The following CPEB3 variants were observed in gnomAD, a reference collection of about 807,000 sequenced individuals.
CPEB3 encodes cytoplasmic polyadenylation element binding protein 3.
CPEB3 carries 20 observed loss-of-function variants against 67.2 expected under a neutral mutation model. That is an observed-to-expected ratio of 0.30 (90% CI 0.21 to 0.43). CPEB3 has a LOEUF of 0.43. CPEB3 is among the 20% of genes least tolerant of loss of function. The pLI is 1.00. For missense variants in CPEB3, 746 were observed against 968.6 expected (o/e 0.77, Z 3.05); for synonymous variants, 376 against 393.1 (o/e 0.96, Z 0.51).
intron 2 of CPEB3, among the ~76,000 whole-genome samples, chr10:92,196,848 C>T (rs1241013537): frequency 2.6e-5 from 4 of 151,472 alleles, no homozygotes; most frequent in Non-Finnish European, 5.9e-5. Context: ...AGGAGAATCA[C>T]TTGAACCTGG....
intron 6 of CPEB3, among the ~76,000 whole-genome samples, chr10:92,112,127 T>C (rs1405905782): frequency 5.4e-5 from 1 of 18,612 alleles, no homozygotes; most frequent in East Asian, 9.5e-4. Flanking sequence ...ACCACGTTCC[T>C]TTTTTTTTTT....
chr10:92,060,287 T>A lies in CPEB3; in HGVS notation c.1870-7848A>T, dbSNP rs1466335538. 2.0e-5 allele frequency among the ~76,000 whole-genome samples: 3 copies of A among 151,680 alleles called. No individual in the cohort carries two copies. The East Asian group carries it at 5.8e-4, about 29-fold the overall frequency. On this transcript the variant is annotated intron_variant, in intron 9 of 9. Transcript: ENST00000265997. ...GGCATGAGAATCCAGGAGGTGGAGG[T>A]TGCAGTGAGCCAAGATCATGCCACC...
chr10:92,168,362 T>C (rs1470199564), intron 4 of CPEB3, among the ~76,000 whole-genome samples: 2 of 152,228 alleles, frequency 1.3e-5, no homozygotes, highest in Admixed American at 1.3e-4. Context: ...CTAGAATACC[T>C]TAATAAAGAT....
At chr10:92,244,996 T>C (rs577751933) in intron 1 of CPEB3, among the ~76,000 whole-genome samples, 1 of 152,278 alleles carries the variant, frequency 6.6e-6, no homozygotes, top group South Asian at 2.1e-4. Context: ...ATGTCATCAT[T>C]TAAAATTGTC....
chr10:92,128,099 T>C (rs953011171), intron 6 of CPEB3, among the ~76,000 whole-genome samples: 2 of 152,214 alleles, frequency 1.3e-5, no homozygotes, highest in East Asian at 1.9e-4. Flanking sequence ...TCTGGAGTCA[T>C]TAATATTTTC....
At chr10:92,211,727 G>C (rs1384194570) in intron 2 of CPEB3, among the ~76,000 whole-genome samples, 1 of 150,240 alleles carries the variant, frequency 6.7e-6, no homozygotes, top group African/African-American at 2.5e-5. Flanking sequence ...ATTTTTAGTA[G>C]AGACCGGGTT....
At chr10:92,059,274 G>A (rs188136959) in intron 9 of CPEB3, among the ~76,000 whole-genome samples, 38 of 135,254 alleles carry the variant, frequency 2.8e-4, no homozygotes, top group African/African-American at 9.7e-4. Flanking sequence ...ACAGTGAGCC[G>A]AGATATTGCG....
At chr10:92,091,318 G>A (rs1299514301) in intron 8 of CPEB3, among the ~76,000 whole-genome samples, 1 of 152,116 alleles carries the variant, frequency 6.6e-6, no homozygotes, top group Non-Finnish European at 1.5e-5. Context: ...TGGTTATTAG[G>A]AGGCTGATGT....
chr10:92,197,827 C>T (rs753862627), intron 2 of CPEB3, among the ~76,000 whole-genome samples: 1 of 152,052 alleles, frequency 6.6e-6, no homozygotes, highest in Admixed American at 6.6e-5. Context: ...TTAAACAAGT[C>T]GCTGGGCGCA....
At chr10:92,236,606 G>A (rs1169610883) in intron 2 of CPEB3, among the ~76,000 whole-genome samples, 2 of 152,002 alleles carry the variant, frequency 1.3e-5, no homozygotes, top group African/African-American at 2.4e-5. Context: ...AAAATTAGCC[G>A]GGCGTGGTGG....
At chr10:92,069,321 G>A (rs958667578) in intron 9 of CPEB3, among the ~76,000 whole-genome samples, 1 of 152,108 alleles carries the variant, frequency 6.6e-6, no homozygotes, top group Non-Finnish European at 1.5e-5. Flanking sequence ...TGCAAAGAAT[G>A]GTACAATGGA....
At chr10:92,116,555 T>TA (rs78774347) in intron 6 of CPEB3, among the ~76,000 whole-genome samples, 19,008 of 148,086 alleles carry the variant, frequency 0.13, 1,396 homozygotes, top group Middle Eastern at 0.22. Context: ...TGAAAGGTAT[T>TA]AAAAAAAAAA....
chr10:92,153,385 T>C (rs577649587), intron 4 of CPEB3, among the ~76,000 whole-genome samples: 1 of 152,380 alleles, frequency 6.6e-6, no homozygotes, highest in East Asian at 1.9e-4. Context: ...AGTACATTTA[T>C]AACAGTAACT....
At chr10:92,246,440 AATAATCCTTC>A (rs1404927848) in intron 1 of CPEB3, among the ~76,000 whole-genome samples, 1 of 152,136 alleles carries the variant, frequency 6.6e-6, no homozygotes, top group Non-Finnish European at 1.5e-5. Context: ...TCCAAAGTAA[AATAATCCTTC>A]ATAACATCCT....
At chr10:92,271,574 C>T (rs1455007072) in intron 1 of CPEB3, among the ~76,000 whole-genome samples, 1 of 152,138 alleles carries the variant, frequency 6.6e-6, no homozygotes, top group Non-Finnish European at 1.5e-5. Flanking sequence ...TCCTCATGAT[C>T]GAACTTAGGT....
intron 2 of CPEB3, among the ~76,000 whole-genome samples, chr10:92,198,881 G>C (rs182754358): frequency 5.1e-4 from 78 of 152,298 alleles, no homozygotes; most frequent in African/African-American, 1.7e-3. Flanking sequence ...TGTGATCCAT[G>C]AACAATGGAG....
rs958605350 is a variant in CPEB3, at chr10:92,289,917, T to C, written c.-12+1009A>G. 2.5e-5 allele frequency among the ~76,000 whole-genome samples: 3 copies of C among 120,128 alleles called. No homozygotes were observed. The Admixed American group carries it at 2.6e-4, about 10-fold the overall frequency. 78.8% of individuals were successfully genotyped at this position (120,128 alleles called of 152,430 possible). A position where few individuals can be genotyped will look rare whatever the true frequency, so the allele number is the denominator to read the frequency against. ...TCTTTCCCTAGGAGGAGTGTGTGTGTATGTGTGTGGTGGGGGGGGGTGGGT... is the reference window on the plus strand; with the variant it reads ...TCTTTCCCTAGGAGGAGTGTGTGTGCATGTGTGTGGTGGGGGGGGGTGGGT... On this transcript the variant is annotated intron_variant, in intron 1 of 9. Transcript: ENST00000265997.
At chr10:92,120,213 C>A (rs553597993) in intron 6 of CPEB3, among the ~76,000 whole-genome samples, 3 of 151,348 alleles carry the variant, frequency 2.0e-5, no homozygotes, top group African/African-American at 4.9e-5. Flanking sequence ...AGATTGAGAC[C>A]ATCCTGGCTA....
chr10:92,189,212 C>T (rs1043294370), intron 3 of CPEB3, among the ~76,000 whole-genome samples: 1 of 152,048 alleles, frequency 6.6e-6, no homozygotes, highest in Admixed American at 6.6e-5. Context: ...ACCAAAATAA[C>T]CAAAAAATTA....
Sources: gnomAD v4.1 joint callset for allele counts (sites outside exome capture counted in the v4.1 genomes callset) on GRCh38, gnomAD v4.1.1 for gene constraint, MANE v1.5 for transcripts, NCBI Gene and HGNC (gene_info 2026-07-23, HGNC 2026-07-21) for gene names.